Variants in RAB19 observed in about 807,000 individuals in gnomAD.
RAB19 encodes RAB19, member RAS oncogene family, also known as ras-related protein Rab-19.
A neutral mutation model predicts 17.3 loss-of-function variants in RAB19; 21 were observed. The observed-to-expected ratio is 1.21, with a 90% CI of 0.86 to 1.74. The LOEUF (loss-of-function observed/expected upper bound fraction) is 1.74, where lower values mean the gene tolerates loss of function less well. RAB19 is among the 40% of genes most tolerant of loss of function. The pLI, the probability that RAB19 is intolerant of heterozygous loss-of-function variation, is 0.00. For missense variants in RAB19, 277 were observed against 286.8 expected (o/e 0.97, Z 0.25); for synonymous variants, 126 against 110.4 (o/e 1.14, Z -0.88).
intron 3 of RAB19, among the ~76,000 whole-genome samples, chr7:140,412,851 C>T (rs35775504): frequency 0.13 from 19,785 of 151,468 alleles, 1,695 homozygotes; most frequent in Admixed American, 0.26. Context: ...ATAGATGGGG[C>T]GTGGTGGTTC....
chr7:140,424,376 C>T (rs182878466), intron 3 of RAB19, among the ~76,000 whole-genome samples: 398 of 151,556 alleles, frequency 2.6e-3, no homozygotes, highest in African/African-American at 9.2e-3. Flanking sequence ...AGGCTGGTCT[C>T]GAACTCCTGA....
intron 3 of RAB19, among the ~76,000 whole-genome samples, chr7:140,415,097 C>T (rs1799432646): frequency 6.7e-6 from 1 of 149,326 alleles, no homozygotes; most frequent in Non-Finnish European, 1.5e-5. Context: ...TTTTTTGAGA[C>T]AGGGTCTTGC....
intron 3 of RAB19, among the ~76,000 whole-genome samples, chr7:140,418,396 C>CAAAAAA (rs140238398): frequency 1.4e-5 from 1 of 70,372 alleles, no homozygotes; most frequent in Non-Finnish European, 2.7e-5. Context: ...TGCTAAAATA[C>CAAAAAA]AAAAAAAAAA....
Position 140,425,986 on chromosome 7 carries a change from G to T in RAB19, c.490G>T (p.Glu164Ter). Residue 164 changes from glutamate to a stop codon, truncating the protein, a stop_gained, in exon 4 of 4, where the codon GAG becomes TAG. Transcript: ENST00000537763. LOFTEE classifies it high-confidence loss of function. Reference sequence around the variant, plus strand: ...GGCCGTTTTGGAGACATCTGCCAAGGAGTCAAAGAACATAGAAGAAGTCTT... The same window carrying T: ...GGCCGTTTTGGAGACATCTGCCAAGTAGTCAAAGAACATAGAAGAAGTCTT... ...LLAVLETSAKESKNIEEVFVL... is the reference protein window; with the variant it reads ...LLAVLETSAK 2 of 1,614,148 alleles carry T rather than the reference G, an allele frequency of 1.2e-6. No homozygotes were observed.
rs777605625 is a variant in RAB19 at position 140,426,088 on chromosome 7, C to T, written c.592C>T (p.Leu198=). ...YGESALNGLP[L]DSSPVLMAQG... ...GGAGAGTGCCCTGAACGGCCTCCCCCTGGACTCCAGCCCCGTTCTTATGGC... is the reference window on the plus strand; with the variant it reads ...GGAGAGTGCCCTGAACGGCCTCCCCTTGGACTCCAGCCCCGTTCTTATGGC... Residue 198 remains leucine, a synonymous_variant, in exon 4 of 4, where the codon CTG becomes TTG. Transcript: ENST00000537763. The T allele has an allele frequency of 4.3e-6, 7 of 1,614,100 alleles. No homozygotes were observed. The highest frequency in any genetic ancestry group is 5.9e-6 in the Non-Finnish European group (7 of 1,180,060).
chr7:140,419,673 G>A (rs921976545), intron 3 of RAB19, among the ~76,000 whole-genome samples: 1 of 152,124 alleles, frequency 6.6e-6, no homozygotes, highest in African/African-American at 2.4e-5. Flanking sequence ...ATACCCAGGA[G>A]CAAAATTGCA....
Position 140,411,945 on chromosome 7 carries a change from C to T in RAB19, c.273C>T (p.His91=), listed in dbSNP as rs375880877. 1.5e-5 allele frequency: 25 copies of T among 1,614,086 alleles called. No homozygotes were observed. The highest frequency in any genetic ancestry group is 4.4e-5 in the South Asian group (4 of 91,090). ...CCCAAAGCTACTACCGCAGTGCCCA[C>T]GCAGCCATCATCGCCTATGACCTCA... The part of the protein sequence containing the change: ...TITQSYYRSA[H]AAIIAYDLTR... Residue 91 remains histidine, a synonymous_variant, in exon 3 of 4, where the codon CAC becomes CAT. Coordinates refer to ENST00000537763, the MANE Select transcript of RAB19 (RefSeq NM_001008749.3).
At chr7:140,417,119 C>A (rs1477878994) in intron 3 of RAB19, among the ~76,000 whole-genome samples, 3 of 151,264 alleles carry the variant, frequency 2.0e-5, no homozygotes, top group Non-Finnish European at 4.4e-5. Context: ...GCCTATAGTC[C>A]CAGCTACTTG....
chr7:140,412,025 A>T lies in RAB19; in HGVS notation c.353A>T (p.Tyr118Phe). 6.2e-7 allele frequency: 1 copy of T among 1,613,376 alleles called. No individual in the cohort carries two copies. Among genetic ancestry groups the T allele is most frequent in the Non-Finnish European group, 8.5e-7 (1 of 1,180,028 alleles). ...IPHWIHEIEKYGAANVVIMLI... is the reference protein window; with the variant it reads ...IPHWIHEIEKFGAANVVIMLI... Reference sequence around the variant, plus strand: ...CACTGGATTCATGAGATAGAGAAATATGGAGCTGCAAATGTGGTCATTATG... The same window carrying T: ...CACTGGATTCATGAGATAGAGAAATTTGGAGCTGCAAATGTGGTCATTATG... The change falls in exon 3 of 4, where the codon TAT becomes TTT. Residue 118 changes from tyrosine (Y) to phenylalanine (F), a missense_variant. Tyr to Phe is a conservative substitution (Grantham distance 22, BLOSUM62 3). Coordinates refer to ENST00000537763, the MANE Select transcript of RAB19 (RefSeq NM_001008749.3).
intron 3 of RAB19, among the ~76,000 whole-genome samples, chr7:140,424,584 T>TCC (rs869307051): frequency 9.4e-6 from 1 of 106,888 alleles, no homozygotes; most frequent in African/African-American, 4.4e-5. Flanking sequence ...ACTGGACCTC[T>TCC]CCCTCTCTCT....
At chr7:140,407,467 G>C in intron 1 of RAB19, 157 bp from the exon 2 acceptor site, 1 of 598,508 alleles carries the variant, frequency 1.7e-6, no homozygotes, top group South Asian at 1.9e-5. Flanking sequence ...ACGTAGGGCA[G>C]ATGTCAGCTT....
intron 3 of RAB19, among the ~76,000 whole-genome samples, chr7:140,413,532 A>G (rs1799403524): frequency 6.6e-6 from 1 of 152,106 alleles, no homozygotes; most frequent in Non-Finnish European, 1.5e-5. Flanking sequence ...TCATCTCTAC[A>G]AAAACTAAAA....
At chr7:140,409,849 C>G (rs556907091) in intron 2 of RAB19, among the ~76,000 whole-genome samples, 2 of 151,676 alleles carry the variant, frequency 1.3e-5, no homozygotes, top group South Asian at 4.2e-4. Flanking sequence ...AAAAATCAGC[C>G]GGGCCTGGTG....
At chr7:140,407,309 G>A (rs1799261717) in intron 1 of RAB19, among the ~76,000 whole-genome samples, 1 of 152,096 alleles carries the variant, frequency 6.6e-6, no homozygotes, top group Non-Finnish European at 1.5e-5. Flanking sequence ...TGCTCTCCGG[G>A]CACTCTGATG....
chr7:140,409,924 C>T (rs13306915), intron 2 of RAB19, among the ~76,000 whole-genome samples: 19,928 of 139,938 alleles, frequency 0.14, 1,751 homozygotes, highest in Non-Finnish European at 0.19. Flanking sequence ...ACCCGGGAGG[C>T]GGAGCTTGCA....
chr7:140,411,126 G>A (rs192528591), intron 2 of RAB19: 56 of 1,366,254 alleles, frequency 4.1e-5, no homozygotes, highest in Middle Eastern at 2.1e-4. Context: ...TCGGCCGGGC[G>A]CAGTGGCTCA....
intron 3 of RAB19, among the ~76,000 whole-genome samples, chr7:140,421,875 T>G (rs571339400): frequency 6.6e-6 from 1 of 152,338 alleles, no homozygotes; most frequent in Non-Finnish European, 1.5e-5. Context: ...TGATCTTTTC[T>G]TTAATAATGA....
intron 3 of RAB19, among the ~76,000 whole-genome samples, chr7:140,417,269 G>A (rs1400261788): frequency 6.6e-6 from 1 of 151,500 alleles, no homozygotes; most frequent in African/African-American, 2.4e-5. Flanking sequence ...GGACTCAGTG[G>A]TGTACGCCTA....
rs372749794 is a variant in RAB19, at chr7:140,407,609, A to G, written c.-23-15A>G. 6.2e-7 allele frequency: 1 copy of G among 1,604,192 alleles called. No homozygotes were observed. The highest frequency in any genetic ancestry group is 1.7e-5 in the Admixed American group (1 of 59,952). ...TCCCCAGTTCCTGGTGCTGAATTCC[A>G]TCCTTTCTTCCTAGTTCTGTTCTAG... is the stretch of plus-strand genomic sequence containing the variant. On this transcript the variant is annotated splice_polypyrimidine_tract_variant and intron_variant, in intron 1 of 3. Transcript: ENST00000537763.
Sources: allele counts gnomAD v4.1 joint callset (sites outside exome capture counted in the v4.1 genomes callset), GRCh38; gene constraint gnomAD v4.1.1; transcripts MANE v1.5; gene names NCBI Gene and HGNC (gene_info 2026-07-23, HGNC 2026-07-21).